Variants in SLC25A21 observed in about 807,000 individuals in gnomAD.
The protein encoded by SLC25A21 is mitochondrial 2-oxodicarboxylate carrier.
A neutral mutation model predicts 43.8 loss-of-function variants in SLC25A21; 47 were observed. That is an observed-to-expected ratio of 1.07 (90% CI 0.85 to 1.37). The LOEUF (loss-of-function observed/expected upper bound fraction) is 1.37. Ranked by LOEUF, SLC25A21 falls within the 40% of genes most tolerant of loss-of-function variation. SLC25A21 has a pLI of 0.00. For synonymous variants in SLC25A21, 131 were observed against 121.3 expected, an observed-to-expected ratio of 1.08 and a Z score of -0.52; for missense variants, 352 against 350.2, an observed-to-expected ratio of 1.00 and a Z score of -0.04.
intron 1 of SLC25A21, among the ~76,000 whole-genome samples, chr14:36,900,576 C>T (rs1891371002): frequency 1.3e-5 from 2 of 152,074 alleles, no homozygotes. Flanking sequence ...CACTTCATCT[C>T]AAAAAACACC....
chr14:37,015,303 G>A (rs1202215534), intron 1 of SLC25A21, among the ~76,000 whole-genome samples: 2 of 147,300 alleles, frequency 1.4e-5, no homozygotes, highest in Non-Finnish European at 3.0e-5. Flanking sequence ...TTGGTTTTTT[G>A]TCCTTGTGAT....
chr14:36,804,581 G>C (rs1468145534), intron 3 of SLC25A21, among the ~76,000 whole-genome samples: 1 of 152,136 alleles, frequency 6.6e-6, no homozygotes, highest in Admixed American at 6.5e-5. Flanking sequence ...TGGTAACAGT[G>C]GTTTTGAATC....
chr14:37,154,746 G>A (rs571891472), intron 1 of SLC25A21, among the ~76,000 whole-genome samples: 53 of 150,948 alleles, frequency 3.5e-4, no homozygotes, highest in South Asian at 1.0e-3. Context: ...CAGTTCAAGC[G>A]ATTCTCCTGC....
Position 36,680,432 on chromosome 14 carries a change from C to A in SLC25A21, c.*226G>T. Reference sequence around the variant, plus strand: ...TATTTTTCTATATTCACTTTAAATACCTCATTGTTTCATATTATTTTTTTC... The same window carrying A: ...TATTTTTCTATATTCACTTTAAATAACTCATTGTTTCATATTATTTTTTTC... On this transcript the variant is annotated 3_prime_UTR_variant, in exon 10 of 10. Coordinates refer to ENST00000331299, the MANE Select transcript of SLC25A21 (RefSeq NM_030631.4). 1 of 1,146,058 alleles carries A rather than the reference C, an allele frequency of 8.7e-7. No homozygotes were observed. The highest frequency in any genetic ancestry group is 1.1e-6 in the Non-Finnish European group (1 of 925,148). 71.0% of individuals were successfully genotyped at this position (1,146,058 alleles called of 1,614,324 possible).
chr14:37,144,611 G>A (rs1175260867), intron 1 of SLC25A21, among the ~76,000 whole-genome samples: 1 of 152,130 alleles, frequency 6.6e-6, no homozygotes, highest in African/African-American at 2.4e-5. Context: ...TGAAATCCAG[G>A]TTTGAGCACA....
intron 1 of SLC25A21, among the ~76,000 whole-genome samples, chr14:37,136,456 A>G (rs984527583): frequency 1.3e-5 from 2 of 152,324 alleles, no homozygotes. Context: ...AAAGACATGG[A>G]TATTCCTACA....
At chr14:36,823,692 A>T (rs576119613) in intron 2 of SLC25A21, among the ~76,000 whole-genome samples, 1 of 152,150 alleles carries the variant, frequency 6.6e-6, no homozygotes, top group Non-Finnish European at 1.5e-5. Context: ...AAATCAAGAC[A>T]AGTATCGTAG....
intron 1 of SLC25A21, among the ~76,000 whole-genome samples, chr14:36,971,714 C>T (rs1242391061): frequency 6.6e-6 from 1 of 152,098 alleles, no homozygotes; most frequent in Non-Finnish European, 1.5e-5. Flanking sequence ...GTGTCCATGT[C>T]CTAATCTTCT....
At chr14:36,871,792 C>T (rs1890380118) in intron 2 of SLC25A21, among the ~76,000 whole-genome samples, 1 of 151,412 alleles carries the variant, frequency 6.6e-6, no homozygotes, top group Non-Finnish European at 1.5e-5. Flanking sequence ...CCTTACTTCA[C>T]AATTTTTTTT....
At chr14:36,951,750 G>A (rs993192671) in intron 1 of SLC25A21, among the ~76,000 whole-genome samples, 5 of 152,104 alleles carry the variant, frequency 3.3e-5, no homozygotes, top group Non-Finnish European at 5.9e-5. Context: ...AATCAATTCA[G>A]AGCTTCTAAT....
chr14:37,052,592 A>C (rs1363239662), intron 1 of SLC25A21, among the ~76,000 whole-genome samples: 1 of 152,150 alleles, frequency 6.6e-6, no homozygotes, highest in Non-Finnish European at 1.5e-5. Context: ...ACCAATCAGC[A>C]AAATAATTAA....
At chr14:37,098,075 C>A (rs981788695) in intron 1 of SLC25A21, 8 of 152,140 alleles carry the variant, frequency 5.3e-5, no homozygotes, top group Middle Eastern at 3.4e-3. Context: ...TAAAGATATA[C>A]ATGCAATTTC....
intron 1 of SLC25A21, among the ~76,000 whole-genome samples, chr14:36,908,515 A>G (rs1891594343): frequency 6.6e-6 from 1 of 152,216 alleles, no homozygotes; most frequent in Admixed American, 6.5e-5. Flanking sequence ...TATGCACCGC[A>G]CTATCCAGTA....
intron 1 of SLC25A21, among the ~76,000 whole-genome samples, chr14:36,978,178 A>T (rs1777677876): frequency 6.6e-6 from 1 of 152,162 alleles, no homozygotes; most frequent in Admixed American, 6.5e-5. Context: ...CTGCTACAAT[A>T]ATTCTAAGGC....
At chr14:36,934,093 T>A (rs915719203) in intron 1 of SLC25A21, among the ~76,000 whole-genome samples, 1 of 152,142 alleles carries the variant, frequency 6.6e-6, no homozygotes, top group African/African-American at 2.4e-5. Context: ...TAGATTTTTT[T>A]AAGTTCCAAA....
chr14:36,940,393 G>A (rs12878657), intron 1 of SLC25A21, among the ~76,000 whole-genome samples: 81,010 of 151,548 alleles, frequency 0.53, 23,029 homozygotes, highest in Non-Finnish European at 0.62. Flanking sequence ...TTTAAAGGTT[G>A]CATTATAAAT....
chr14:36,917,265 G>C (rs1891855816), intron 1 of SLC25A21, among the ~76,000 whole-genome samples: 1 of 151,952 alleles, frequency 6.6e-6, no homozygotes, highest in African/African-American at 2.4e-5. Context: ...CCCCTACCCT[G>C]GCCTCTTTCT....
chr14:36,944,426 G>C (rs1304919974), intron 1 of SLC25A21, among the ~76,000 whole-genome samples: 1 of 152,122 alleles, frequency 6.6e-6, no homozygotes, highest in Non-Finnish European at 1.5e-5. Flanking sequence ...GCTTTCTGAA[G>C]GAGGCAGCTG....
intron 2 of SLC25A21, among the ~76,000 whole-genome samples, chr14:36,834,455 T>C (rs1483911679): frequency 1.3e-5 from 2 of 152,170 alleles, no homozygotes. Flanking sequence ...TCTGAAAAAA[T>C]GATACCTACT....
Sources: gnomAD v4.1 joint callset for allele counts (sites outside exome capture counted in the v4.1 genomes callset) on GRCh38, gnomAD v4.1.1 for gene constraint, MANE v1.5 for transcripts, NCBI Gene and HGNC (gene_info 2026-07-23, HGNC 2026-07-21) for gene names.